Variants in DCAF6 observed in about 807,000 individuals in gnomAD.
DCAF6 encodes the protein DDB1 and CUL4 associated factor 6.
DCAF6 carries 54 observed loss-of-function variants against 125.1 expected under a neutral mutation model. The observed-to-expected ratio is 0.43, with a 90% CI of 0.35 to 0.54. The LOEUF is 0.54. Ranked by LOEUF, DCAF6 falls within the 20% of genes least tolerant of loss-of-function variation. The probability of loss-of-function intolerance (pLI) is 0.01; values close to 1 mark genes in which losing one functional copy is unlikely to be tolerated. For synonymous variants in DCAF6, 371 were observed against 390.4 expected (o/e 0.95, Z 0.58); for missense variants, 934 against 1,161.7 (o/e 0.80, Z 2.85).
intron 2 of DCAF6, among the ~76,000 whole-genome samples, chr1:167,965,360 G>A (rs1403580953): frequency 6.6e-6 from 1 of 152,146 alleles, no homozygotes; most frequent in Non-Finnish European, 1.5e-5. Flanking sequence ...CTGGAATTGG[G>A]TATTTCTGTT....
At chr1:168,033,746 A>C (rs1201703545) in intron 12 of DCAF6, among the ~76,000 whole-genome samples, 10 of 152,206 alleles carry the variant, frequency 6.6e-5, no homozygotes, top group Admixed American at 2.6e-4. Flanking sequence ...CTTCTGAAGC[A>C]TGTTTCAAAT....
At chr1:167,886,010 A>G in the DCAF6 span, among the ~76,000 whole-genome samples, 822 of 152,288 alleles carry the variant, frequency 5.4e-3, 3 homozygotes, top group Non-Finnish European at 7.2e-3. Context: ...GGACCTCTTC[A>G]AGGAGAACTA....
At chr1:167,954,434 A>AT (rs771082066) in intron 2 of DCAF6, among the ~76,000 whole-genome samples, 1 of 151,186 alleles carries the variant, frequency 6.6e-6, no homozygotes, top group Non-Finnish European at 1.5e-5. Context: ...TTGTGCTTAA[A>AT]TTTTTATTTT....
the DCAF6 span, among the ~76,000 whole-genome samples, chr1:167,903,124 C>T: frequency 7.3e-5 from 11 of 151,256 alleles, no homozygotes; most frequent in Middle Eastern, 3.4e-3. Flanking sequence ...GGCATGGTGG[C>T]GCACGCCTGT....
the DCAF6 span, among the ~76,000 whole-genome samples, chr1:167,876,084 C>T: frequency 6.6e-6 from 1 of 152,080 alleles, no homozygotes; most frequent in Non-Finnish European, 1.5e-5. Context: ...TGGTGAAAAC[C>T]TGTCTCTACT....
the DCAF6 span, among the ~76,000 whole-genome samples, chr1:167,871,892 T>G: frequency 6.6e-6 from 1 of 152,212 alleles, no homozygotes; most frequent in Non-Finnish European, 1.5e-5. Context: ...TTGGCCTGAA[T>G]GAAGCTCACA....
At chr1:167,893,611 G>T in the DCAF6 span, among the ~76,000 whole-genome samples, 1 of 145,168 alleles carries the variant, frequency 6.9e-6, no homozygotes, top group South Asian at 2.2e-4. Context: ...CAGGAGAATT[G>T]CTTGAACCCG....
chr1:167,907,762 G>C, the DCAF6 span, among the ~76,000 whole-genome samples: 58 of 152,342 alleles, frequency 3.8e-4, no homozygotes, highest in Non-Finnish European at 7.1e-4. Flanking sequence ...TTTAAATCAA[G>C]AGACTGCTAT....
intron 11 of DCAF6, chr1:168,019,773 G>A (rs1685454800): frequency 3.3e-5 from 6 of 182,278 alleles, no homozygotes; most frequent in Admixed American, 2.3e-4. Flanking sequence ...TTGAAAAAGG[G>A]CTTTTCAAAA....
intron 2 of DCAF6, among the ~76,000 whole-genome samples, chr1:167,957,943 T>A (rs1675019248): frequency 6.6e-6 from 1 of 152,190 alleles, no homozygotes; most frequent in South Asian, 2.1e-4. Context: ...CATACCTTCT[T>A]TGGAGAAATG....
chr1:167,993,314 G>A lies in DCAF6; in HGVS notation c.777G>A (p.Leu259=). 6.2e-7 allele frequency: 1 copy of A among 1,613,904 alleles called. No individual in the cohort carries two copies. The highest frequency in any genetic ancestry group is 8.5e-7 in the Non-Finnish European group (1 of 1,179,878). ...ATAAGTCCTGCAGAGTGACATCTCTGTGTTACAGTGAAGATGGTCAAGAGA... is the reference window on the plus strand; with the variant it reads ...ATAAGTCCTGCAGAGTGACATCTCTATGTTACAGTGAAGATGGTCAAGAGA... The part of the protein sequence containing the change: ...LNNKSCRVTS[L]CYSEDGQEIL... The change falls in exon 7 of 22, where the codon CTG becomes CTA. Residue 259 remains leucine, a synonymous_variant. Coordinates refer to ENST00000367840, the MANE Select transcript of DCAF6 (RefSeq NM_001198956.2).
At chr1:167,863,617 C>CGA in the DCAF6 span, among the ~76,000 whole-genome samples, 1 of 152,098 alleles carries the variant, frequency 6.6e-6, no homozygotes, top group Non-Finnish European at 1.5e-5. Flanking sequence ...AACAGATGGT[C>CGA]GAGGCAGCTC....
chr1:167,907,108 A>C, the DCAF6 span, among the ~76,000 whole-genome samples: 1 of 152,230 alleles, frequency 6.6e-6, no homozygotes, highest in Non-Finnish European at 1.5e-5. Context: ...CCCAGACAAC[A>C]TATATCTACA....
chr1:167,951,792 T>G lies in DCAF6; in HGVS notation c.98-8T>G. The G allele has an allele frequency of 6.4e-7, 1 of 1,557,540 alleles. No homozygotes were observed. Among genetic ancestry groups the G allele is most frequent in the Non-Finnish European group, 8.8e-7 (1 of 1,129,992 alleles). Reference sequence around the variant, plus strand: ...GATTTATTTAATTTGTTCTTTCTTTTTAAACAGGAAGAAGAGAATTTATCC... The same window carrying G: ...GATTTATTTAATTTGTTCTTTCTTTGTAAACAGGAAGAAGAGAATTTATCC... On this transcript the variant is annotated splice_polypyrimidine_tract_variant and splice_region_variant and intron_variant, in intron 1 of 21. Coordinates refer to ENST00000367840, the MANE Select transcript of DCAF6 (RefSeq NM_001198956.2).
chr1:168,023,392 G>A, intron 12 of DCAF6: 1 of 311,996 alleles, frequency 3.2e-6, no homozygotes, highest in Non-Finnish European at 6.0e-6. Context: ...ATACTACCTC[G>A]TTGCTTATGT....
chr1:168,072,294 TAAAAAAA>T (rs59674650), intron 21 of DCAF6, among the ~76,000 whole-genome samples: 474 of 41,000 alleles, frequency 0.012, 2 homozygotes, highest in African/African-American at 0.035. Context: ...AGAATCAGTC[TAAAAAAA>T]AAAAAAAAAA....
At chr1:168,010,850 G>A (rs531511736) in intron 10 of DCAF6, among the ~76,000 whole-genome samples, 2 of 152,072 alleles carry the variant, frequency 1.3e-5, no homozygotes, top group South Asian at 2.1e-4. Flanking sequence ...TTCATGATTT[G>A]TAAATTATTC....
the DCAF6 span, among the ~76,000 whole-genome samples, chr1:167,910,047 C>T: frequency 5.7e-3 from 862 of 152,278 alleles, 17 homozygotes; most frequent in East Asian, 0.038. Context: ...GCTCTAAGCC[C>T]TTAAAAGGGC....
At chr1:168,042,291 CTCAG>C (rs913357290) in intron 13 of DCAF6, among the ~76,000 whole-genome samples, 1 of 152,068 alleles carries the variant, frequency 6.6e-6, no homozygotes, top group Non-Finnish European at 1.5e-5. Context: ...TAATTTAAAT[CTCAG>C]TCAGATTGTT....
Sources: allele counts gnomAD v4.1 joint callset (sites outside exome capture counted in the v4.1 genomes callset), GRCh38; gene constraint gnomAD v4.1.1; transcripts MANE v1.5; gene names NCBI Gene and HGNC (gene_info 2026-07-23, HGNC 2026-07-21).